The following DPYSL2 variants were observed in gnomAD, a reference collection of about 807,000 sequenced individuals.
DPYSL2 encodes the protein dihydropyrimidinase-related protein 2.
In DPYSL2, 13 loss-of-function variants were observed where a neutral mutation model predicts 69.9. That is an observed-to-expected ratio of 0.19 (90% CI 0.12 to 0.30). DPYSL2 has a LOEUF of 0.30. Among genes scored for constraint, DPYSL2 ranks in the 10% least tolerant of loss-of-function variants. The pLI is 1.00. For synonymous variants in DPYSL2, 326 were observed against 359.1 expected (o/e 0.91, Z 1.04); for missense variants, 587 against 918.9 (o/e 0.64, Z 4.67).
rs1230646489 is a variant in DPYSL2, at chr8:26,516,774, C to T, written c.354+2095C>T. Among the ~76,000 whole-genome samples the T allele has an allele frequency of 2.0e-5, 3 of 152,156 alleles. No homozygotes were observed. The highest frequency in any genetic ancestry group is 7.2e-5 in the African/African-American group (3 of 41,428). ...TCTGCAGCACCTTCCCCTGAATTTT[C>T]ATGTTTAATCTTGCCTTATCATATA... On this transcript the variant is annotated intron_variant, in intron 1 of 13. Coordinates refer to ENST00000521913, the MANE Select transcript of DPYSL2 (RefSeq NM_001197293.3). The surrounding 1 kb of genome is among the most constrained non-coding windows in gnomAD (Gnocchi z 4.8).
intron 8 of DPYSL2, among the ~76,000 whole-genome samples, chr8:26,636,766 A>C (rs1802926444): frequency 6.6e-6 from 1 of 151,544 alleles, no homozygotes; most frequent in Non-Finnish European, 1.5e-5. Flanking sequence ...TTTGAGATGG[A>C]GTCTCACTCT....
chr8:26,623,919 T>C (rs1797078784), intron 3 of DPYSL2: 2 of 541,666 alleles, frequency 3.7e-6, no homozygotes, highest in Non-Finnish European at 6.6e-6. Context: ...GCAGTGCATG[T>C]GTGGTTTCGC....
At chr8:26,635,973 C>A (rs1021253114) in intron 8 of DPYSL2, among the ~76,000 whole-genome samples, 2 of 152,090 alleles carry the variant, frequency 1.3e-5, no homozygotes, top group Non-Finnish European at 2.9e-5. Flanking sequence ...TGACTTGCTG[C>A]AAGCCCTGGA....
rs1801087625 is a variant in DPYSL2, at chr8:26,562,440, C to A, written c.355-19529C>A. Among the ~76,000 whole-genome samples the A allele has an allele frequency of 6.6e-6, 1 of 152,194 alleles. No individual in the cohort carries two copies. Among genetic ancestry groups the A allele is most frequent in the Non-Finnish European group, 1.5e-5 (1 of 68,040 alleles). ...AGTGCCCTTGCCCTGGTCCTAGCCA[C>A]AATCCACTCTCACCTTCTTACTGGT... On this transcript the variant is annotated intron_variant, in intron 1 of 13. Transcript: ENST00000521913. The surrounding 1 kb of genome is among the most constrained non-coding windows in gnomAD (Gnocchi z 4.9).
Position 26,643,681 on chromosome 8 carries a change from A to G in DPYSL2, c.1283+86A>G. On this transcript the variant is annotated intron_variant, in intron 9 of 13. Transcript: ENST00000521913. This position sits in a 1 kb window ranked among gnomAD's most constrained non-coding sequence, Gnocchi z 6.5. ...GTTAGGCGAAAACAACATGGTGGCC[A>G]AGAGCAGCCATAAAACTGGGAGACC... 6.3e-7 allele frequency: 1 copy of G among 1,581,876 alleles called. No individual in the cohort carries two copies. Among genetic ancestry groups the G allele is most frequent in the Non-Finnish European group, 8.7e-7 (1 of 1,155,998 alleles).
chr8:26,630,136 A>G (rs1358749752), intron 7 of DPYSL2, among the ~76,000 whole-genome samples: 1 of 152,250 alleles, frequency 6.6e-6, no homozygotes, highest in Non-Finnish European at 1.5e-5. Flanking sequence ...ACAGACACGC[A>G]TAGGTGTACA....
At position 26,643,461 on chromosome 8, in the gene DPYSL2, C is replaced by A; in HGVS notation, c.1149C>A (p.Pro383=). 6.2e-7 allele frequency: 1 copy of A among 1,603,846 alleles called. No homozygotes were observed. The highest frequency in any genetic ancestry group is 8.5e-7 in the Non-Finnish European group (1 of 1,174,986). ...RKKGTVVYGE[P]ITASLGTDGS... is the part of the protein sequence containing the mutation. ...CAGGAACTGTGGTGTATGGCGAGCC[C>A]ATCACTGCCAGCTTGGGAACGGACG... Residue 383 remains proline, a synonymous_variant, in exon 9 of 14, where the codon CCC becomes CCA. Transcript: ENST00000521913. This position sits in a 1 kb window ranked among gnomAD's most constrained non-coding sequence, Gnocchi z 6.5.
chr8:26,549,272 G>T (rs1406721002), intron 1 of DPYSL2, among the ~76,000 whole-genome samples: 1 of 150,616 alleles, frequency 6.6e-6, no homozygotes, highest in African/African-American at 2.4e-5. Context: ...TACTAGAAAT[G>T]AAGAATGCCT....
chr8:26,554,095 G>T (rs540490796), intron 1 of DPYSL2, among the ~76,000 whole-genome samples: 1 of 152,012 alleles, frequency 6.6e-6, no homozygotes, highest in African/African-American at 2.4e-5. Flanking sequence ...TCACCATCTT[G>T]GCCAGGCTGG....
chr8:26,621,076 A>T lies in DPYSL2; in HGVS notation c.629-3067A>T, dbSNP rs919777617. Among the ~76,000 whole-genome samples, 2 of 152,020 alleles carry T rather than the reference A, an allele frequency of 1.3e-5. No homozygotes were observed. Among genetic ancestry groups the T allele is most frequent in the African/African-American group, 4.8e-5 (2 of 41,388 alleles). On this transcript the variant is annotated intron_variant, in intron 3 of 13. Transcript: ENST00000521913. The surrounding 1 kb of genome is among the most constrained non-coding windows in gnomAD (Gnocchi z 4.9). ...TGCATTACTCTTTCTGGTTTATCAC[A>T]TTTTCTTGTATTTTATGTATCTCTA...
intron 3 of DPYSL2, among the ~76,000 whole-genome samples, chr8:26,603,437 C>T (rs912102511): frequency 6.6e-6 from 1 of 152,228 alleles, no homozygotes; most frequent in African/African-American, 2.4e-5. Context: ...TCCCAGAGTG[C>T]TGGGATTACA....
At chr8:26,608,122 C>G (rs1344744013) in intron 3 of DPYSL2, among the ~76,000 whole-genome samples, 1 of 151,444 alleles carries the variant, frequency 6.6e-6, no homozygotes, top group Non-Finnish European at 1.5e-5. Context: ...TTAATATGAC[C>G]ATGTTCACAG....
chr8:26,616,357 AG>A (rs1802347314), intron 3 of DPYSL2, among the ~76,000 whole-genome samples: 1 of 152,114 alleles, frequency 6.6e-6, no homozygotes, highest in African/African-American at 2.4e-5. Context: ...CTGGTTGATG[AG>A]GTCACCTGGC....
In DPYSL2 at chr8:26,627,784, C is replaced by A; in HGVS notation, c.937-88C>A. 2.2e-6 allele frequency: 3 copies of A among 1,351,320 alleles called. No individual in the cohort carries two copies. The highest frequency in any genetic ancestry group is 3.1e-6 in the Non-Finnish European group (3 of 966,812). The allele number at this position is 1,351,320 out of a possible 1,614,324, so 83.7% of individuals were successfully genotyped here. ...TCGGCAGTGGTAATTTTCCATCTTG[C>A]CCGGATAACTGCATGCCCGGGCCTC... On this transcript the variant is annotated intron_variant, in intron 6 of 13. Transcript: ENST00000521913. The surrounding 1 kb of genome is among the most constrained non-coding windows in gnomAD (Gnocchi z 6.9).
chr8:26,574,058 G>A (rs1801285915), intron 1 of DPYSL2, among the ~76,000 whole-genome samples: 1 of 152,142 alleles, frequency 6.6e-6, no homozygotes, highest in Non-Finnish European at 1.5e-5. Context: ...GCTTCTAGGA[G>A]TCAAGGCCTG....
rs1801800567 is a variant in DPYSL2 at position 26,593,944 on chromosome 8, CAT to C, written c.628+9963_628+9964del. On this transcript the variant is annotated intron_variant, in intron 3 of 13. Transcript: ENST00000521913. The surrounding 1 kb of genome is among the most constrained non-coding windows in gnomAD (Gnocchi z 5.7). ...AAAAATCAAAAGGGCCTGATAATAA[CAT>C]AGAATCATGGACTCTTAAGGCAGCC... 6.6e-6 allele frequency among the ~76,000 whole-genome samples: 1 copy of C among 152,164 alleles called. No homozygotes were observed. Among genetic ancestry groups the C allele is most frequent in the South Asian group, 2.1e-4 (1 of 4,830 alleles).
intron 10 of DPYSL2, among the ~76,000 whole-genome samples, chr8:26,646,031 A>C (rs1165025820): frequency 6.7e-6 from 1 of 148,496 alleles, no homozygotes; most frequent in African/African-American, 2.5e-5. Flanking sequence ...ATGCCCGGCT[A>C]ATTTTGGTAT....
intron 1 of DPYSL2, chr8:26,577,445 A>C (rs1801377380): frequency 6.7e-6 from 1 of 149,262 alleles, no homozygotes; most frequent in Non-Finnish European, 1.5e-5. Flanking sequence ...CCGGCGGTGC[A>C]GTCGCGCGCT....
At position 26,643,229 on chromosome 8, in the gene DPYSL2, A is replaced by C. The variant is rs1253244755; in HGVS notation, c.1127-210A>C. Reference sequence around the variant, plus strand: ...GTGTTGTTTGAAGAGCAGGGGCTGAAGGTGGAATCTTGGGGAGCTCATGAC... The same window carrying C: ...GTGTTGTTTGAAGAGCAGGGGCTGACGGTGGAATCTTGGGGAGCTCATGAC... On this transcript the variant is annotated intron_variant, in intron 8 of 13. Transcript: ENST00000521913. This position sits in a 1 kb window ranked among gnomAD's most constrained non-coding sequence, Gnocchi z 6.5. 2.0e-6 allele frequency: 1 copy of C among 488,282 alleles called. No individual in the cohort carries two copies. Among genetic ancestry groups the C allele is most frequent in the Non-Finnish European group, 3.5e-6 (1 of 282,146 alleles). The allele number at this position is 488,282 out of a possible 1,614,324, so 30.2% of individuals were successfully genotyped here. A position where few individuals can be genotyped will look rare whatever the true frequency, so the allele number is the denominator to read the frequency against.
Sources: allele counts gnomAD v4.1 joint callset (sites outside exome capture counted in the v4.1 genomes callset), GRCh38; gene constraint gnomAD v4.1.1; non-coding constraint Gnocchi (gnomAD v3.1); transcripts MANE v1.5; gene names NCBI Gene and HGNC (gene_info 2026-07-23, HGNC 2026-07-21).